Variants in OR2G6 observed in about 807,000 individuals in gnomAD.
The protein encoded by OR2G6 is olfactory receptor family 2 subfamily G member 6.
For missense variants in OR2G6, 457 were observed against 391.3 expected (o/e 1.17, Z -1.42); for synonymous variants, 183 against 155.2 (o/e 1.18, Z -1.33).
At position 248,522,995 on chromosome 1, in the gene OR2G6, T is replaced by C. The variant is rs1664323082; in HGVS notation, c.*398T>C. 5.8e-6 allele frequency: 1 copy of C among 172,692 alleles called. No homozygotes were observed. The highest frequency in any genetic ancestry group is 2.4e-5 in the African/African-American group (1 of 41,888). 10.7% of individuals were successfully genotyped at this position (172,692 alleles called of 1,614,324 possible). On this transcript the variant is annotated 3_prime_UTR_variant, in exon 2 of 2. Transcript: ENST00000641804. ...AGCCCATCTGATAGACTTCTACTAA[T>C]GCTTCAAAACTCAGCTGAAATGTCA...
Position 248,522,493 on chromosome 1 carries a change from C to G in OR2G6, c.847C>G (p.Pro283Ala). 2 of 1,613,750 alleles carry G rather than the reference C, an allele frequency of 1.2e-6. No individual in the cohort carries two copies. Among genetic ancestry groups the G allele is most frequent in the South Asian group, 1.1e-5 (1 of 91,056 alleles). Residue 283 changes from proline (P) to alanine (A), a missense_variant, in exon 2 of 2, where the codon CCA becomes GCA. Coordinates refer to ENST00000641804, the MANE Select transcript of OR2G6 (RefSeq NM_001013355.2). ...FVSLFYTIVT[P>A]LLNPIIYTLR... ...TTCTCTTTTCTATACCATAGTCACC[C>G]CACTTTTAAACCCCATTATCTACAC...
intron 1 of OR2G6, among the ~76,000 whole-genome samples, chr1:248,519,907 AACTT>A (rs903280120): frequency 1.6e-4 from 24 of 152,314 alleles, no homozygotes; most frequent in African/African-American, 5.5e-4. Context: ...TTGAATCTAT[AACTT>A]ACTTTGGGCA....
rs1214348272 is a variant in OR2G6, at chr1:248,522,227, T to C, written c.581T>C (p.Phe194Ser). ...LIKLACVDTT[F>S]NEAELFVASV... is the part of the protein sequence containing the mutation. ...AAACTGGCCTGTGTGGATACGACTT[T>C]CAACGAGGCAGAACTCTTTGTGGCC... Residue 194 changes from phenylalanine to serine, a missense_variant, in exon 2 of 2, where the codon TTC becomes TCC. Phe to Ser is a radical substitution (Grantham distance 155). Transcript: ENST00000641804. The C allele has an allele frequency of 6.2e-7, 1 of 1,614,178 alleles. No individual in the cohort carries two copies. Among genetic ancestry groups the C allele is most frequent in the African/African-American group, 1.3e-5 (1 of 75,046 alleles).
intron 1 of OR2G6, among the ~76,000 whole-genome samples, chr1:248,521,079 T>C (rs767012609): frequency 9.0e-5 from 13 of 144,906 alleles, no homozygotes; most frequent in Non-Finnish European, 1.3e-4. Flanking sequence ...AACAATTAGC[T>C]GGGAGTGGTG....
intron 1 of OR2G6, 91 bp from the exon 2 acceptor site, chr1:248,521,520 T>C (rs2103060916): frequency 3.0e-6 from 2 of 676,216 alleles, no homozygotes; most frequent in Middle Eastern, 3.5e-4. Context: ...ATGTTTTAGG[T>C]GATATATAAG....
chr1:248,522,675 C>CA lies in OR2G6; in HGVS notation c.*80dup. ...CATCCTCCCCAGACATTCCTCTTGT[C>CA]AATCCCAAAGCCACAGGGACTAGGA... On this transcript the variant is annotated 3_prime_UTR_variant, in exon 2 of 2. Transcript: ENST00000641804. The CA allele has an allele frequency of 2.1e-6, 2 of 946,244 alleles. No individual in the cohort carries two copies. Among genetic ancestry groups the CA allele is most frequent in the South Asian group, 1.7e-5 (1 of 58,602 alleles). The allele number at this position is 946,244 out of a possible 1,614,324, so 58.6% of individuals were successfully genotyped here.
rs914621822 is a variant in OR2G6 at position 248,524,509 on chromosome 1, C to T, written c.*1912C>T. On this transcript the variant is annotated 3_prime_UTR_variant, in exon 2 of 2. Transcript: ENST00000641804. ...TACAAATGCATTATTCCTGATAACC[C>T]GAGCAACACAGCATAGGAAAGAATG... 6 of 152,106 alleles carry T rather than the reference C, an allele frequency of 3.9e-5. No individual in the cohort carries two copies. Among genetic ancestry groups the T allele is most frequent in the African/African-American group, 7.2e-5 (3 of 41,402 alleles). The allele number at this position is 152,106 out of a possible 1,614,324, so 9.4% of individuals were successfully genotyped here. A position where few individuals can be genotyped will look rare whatever the true frequency, so the allele number is the denominator to read the frequency against.
chr1:248,520,263 A>G (rs1407389988), intron 1 of OR2G6, among the ~76,000 whole-genome samples: 4 of 152,134 alleles, frequency 2.6e-5, no homozygotes, highest in Non-Finnish European at 5.9e-5. Flanking sequence ...ATCACACACC[A>G]GGGCCTGTTG....
rs536330834 is a variant in OR2G6 at position 248,523,199 on chromosome 1, A to G, written c.*602A>G. 2.3e-4 allele frequency: 35 copies of G among 152,364 alleles called. 1 individual carries two copies. The highest frequency in any genetic ancestry group is 2.2e-3 in the Admixed American group (33 of 15,302). The allele number at this position is 152,364 out of a possible 1,614,324, so 9.4% of individuals were successfully genotyped here. A position where few individuals can be genotyped will look rare whatever the true frequency, so the allele number is the denominator to read the frequency against. ...GCAATGTATATAACAGACTGAAAAA[A>G]TACATGACCATTTTCCCAGAATATG... On this transcript the variant is annotated 3_prime_UTR_variant, in exon 2 of 2. Transcript: ENST00000641804.
At position 248,522,561 on chromosome 1, in the gene OR2G6, A is replaced by G. The variant is rs1664314787; in HGVS notation, c.915A>G (p.Ile305Met). Residue 305 changes from isoleucine to methionine, a missense_variant, in exon 2 of 2, where the codon ATA becomes ATG. Transcript: ENST00000641804. ...TGAAAGGGGCCTTGAGGACCCTGAT[A>G]CTGGGTAGTGCTGCTGGACAAAGCC... ...KDVKGALRTLILGSAAGQSHK... is the reference protein window; with the variant it reads ...KDVKGALRTLMLGSAAGQSHK... The G allele has an allele frequency of 6.2e-7, 1 of 1,613,290 alleles. No homozygotes were observed. The highest frequency in any genetic ancestry group is 1.3e-5 in the African/African-American group (1 of 74,984).
Position 248,522,037 on chromosome 1 carries a change from C to A in OR2G6, c.391C>A (p.Arg131Ser). 6.2e-7 allele frequency: 1 copy of A among 1,614,158 alleles called. No individual in the cohort carries two copies. The highest frequency in any genetic ancestry group is 8.5e-7 in the Non-Finnish European group (1 of 1,180,030). ...CTATGCTGCTGTCTGCCGGCCACTG[C>A]GCTACATAGCCATTATGCACCCCAG... ...DRYAAVCRPLRYIAIMHPRFC... is the reference protein window; with the variant it reads ...DRYAAVCRPLSYIAIMHPRFC... Residue 131 changes from arginine (R) to serine (S), a missense_variant, in exon 2 of 2, where the codon CGC becomes AGC. Coordinates refer to ENST00000641804, the MANE Select transcript of OR2G6 (RefSeq NM_001013355.2).
chr1:248,527,097 T>C lies in OR2G6; in HGVS notation c.*4500T>C, dbSNP rs1307505655. 1 of 152,124 alleles carries C rather than the reference T, an allele frequency of 6.6e-6. No homozygotes were observed. The highest frequency in any genetic ancestry group is 1.5e-5 in the Non-Finnish European group (1 of 68,032). 9.4% of individuals were successfully genotyped at this position (152,124 alleles called of 1,614,324 possible). On this transcript the variant is annotated 3_prime_UTR_variant, in exon 2 of 2. Coordinates refer to ENST00000641804, the MANE Select transcript of OR2G6 (RefSeq NM_001013355.2). The stretch of plus-strand genomic sequence containing the variant: ...TATGTCCTGAATGGAATTGCCTAGG[T>C]TTTCTTCTAGGGTTTTTATGGTTTT...
rs1659161387 is a variant in OR2G6 at position 248,527,330 on chromosome 1, G to C, written c.*4733G>C. 6.6e-6 allele frequency: 1 copy of C among 152,258 alleles called. No homozygotes were observed. Among genetic ancestry groups the C allele is most frequent in the Admixed American group, 6.5e-5 (1 of 15,286 alleles). 9.4% of individuals were successfully genotyped at this position (152,258 alleles called of 1,614,324 possible). Reference sequence around the variant, plus strand: ...GTGTGGTATTATTTCGGAGGGTTCTGTTCTGTTCCATTGGTCTATCTCTCT... The same window carrying C: ...GTGTGGTATTATTTCGGAGGGTTCTCTTCTGTTCCATTGGTCTATCTCTCT... On this transcript the variant is annotated 3_prime_UTR_variant, in exon 2 of 2. Transcript: ENST00000641804.
At position 248,526,929 on chromosome 1, in the gene OR2G6, C is replaced by T. The variant is rs1163702096; in HGVS notation, c.*4332C>T. 6.6e-6 allele frequency: 1 copy of T among 152,090 alleles called. No individual in the cohort carries two copies. Among genetic ancestry groups the T allele is most frequent in the Non-Finnish European group, 1.5e-5 (1 of 68,016 alleles). 9.4% of individuals were successfully genotyped at this position (152,090 alleles called of 1,614,324 possible). A position where few individuals can be genotyped will look rare whatever the true frequency, so the allele number is the denominator to read the frequency against. ...TGAGTAGACTGCAAAAATTTTCTCC[C>T]ATTCTCTAGGTTGCCTGTACACTCT... On this transcript the variant is annotated 3_prime_UTR_variant, in exon 2 of 2. Transcript: ENST00000641804.
At position 248,522,315 on chromosome 1, in the gene OR2G6, A is replaced by C; in HGVS notation, c.669A>C (p.Gln223His). ...LILVSYGFIT[Q>H]AVLRIKSAAG... is the part of the protein sequence containing the mutation. The stretch of plus-strand genomic sequence containing the variant: ...TAGTCTCCTATGGCTTTATCACTCA[A>C]GCTGTGTTAAGGATAAAATCAGCTG... The change falls in exon 2 of 2, where the codon CAA becomes CAC. Residue 223 changes from glutamine to histidine, a missense_variant. Physicochemically the swap from Gln to His is conservative, Grantham distance 24. Transcript: ENST00000641804. 1 of 1,614,128 alleles carries C rather than the reference A, an allele frequency of 6.2e-7. No individual in the cohort carries two copies. Among genetic ancestry groups the C allele is most frequent in the Non-Finnish European group, 8.5e-7 (1 of 1,180,018 alleles).
Position 248,526,575 on chromosome 1 carries a change from A to G in OR2G6, c.*3978A>G, listed in dbSNP as rs538688856. The G allele has an allele frequency of 6.6e-5, 10 of 152,306 alleles. 1 individual carries two copies. In the East Asian group the frequency reaches 1.3e-3, roughly 21 times the overall value. 9.4% of individuals were successfully genotyped at this position (152,306 alleles called of 1,614,324 possible). A position where few individuals can be genotyped will look rare whatever the true frequency, so the allele number is the denominator to read the frequency against. On this transcript the variant is annotated 3_prime_UTR_variant, in exon 2 of 2. Transcript: ENST00000641804. ...AACAGCTTCTCACTGTGCAAAGTAG[A>G]GAGAAATTCCCTTTTGCTTTGGCAG...
rs2103062790 is a variant in OR2G6 at position 248,523,315 on chromosome 1, T to C, written c.*718T>C. On this transcript the variant is annotated 3_prime_UTR_variant, in exon 2 of 2. Transcript: ENST00000641804. ...ATATTAAGAGTTGTGATGCTTTGGT[T>C]CCACAGAATTGTGGGATGCAAATAA... is the stretch of plus-strand genomic sequence containing the variant. 6.6e-6 allele frequency: 1 copy of C among 152,268 alleles called. No homozygotes were observed. 9.4% of individuals were successfully genotyped at this position (152,268 alleles called of 1,614,324 possible). A position where few individuals can be genotyped will look rare whatever the true frequency, so the allele number is the denominator to read the frequency against.
chr1:248,519,490 T>G (rs904252721), intron 1 of OR2G6, among the ~76,000 whole-genome samples: 20 of 151,828 alleles, frequency 1.3e-4, no homozygotes, highest in African/African-American at 3.6e-4. Flanking sequence ...CTTTAATCTA[T>G]CTTGAGTTAA....
In OR2G6 at chr1:248,522,603, A is replaced by G. The variant is rs371393140; in HGVS notation, c.*6A>G. The G allele has an allele frequency of 7.1e-5, 112 of 1,578,944 alleles. No homozygotes were observed. The highest frequency in any genetic ancestry group is 9.0e-5 in the Non-Finnish European group (104 of 1,161,422). On this transcript the variant is annotated 3_prime_UTR_variant, in exon 2 of 2. Transcript: ENST00000641804. Reference sequence around the variant, plus strand: ...GACAAAGCCACAAGGACTAGGAAACACCTGGAATTCTAAACAAGGGAAACA... The same window carrying G: ...GACAAAGCCACAAGGACTAGGAAACGCCTGGAATTCTAAACAAGGGAAACA...
Sources: allele counts gnomAD v4.1 joint callset (sites outside exome capture counted in the v4.1 genomes callset), GRCh38; gene constraint gnomAD v4.1.1; transcripts MANE v1.5; gene names NCBI Gene and HGNC (gene_info 2026-07-23, HGNC 2026-07-21).